The following SHLD1 variants were observed in gnomAD, a reference collection of about 807,000 sequenced individuals.
The protein encoded by SHLD1 is shieldin complex subunit 1.
SHLD1 carries 3 observed loss-of-function variants against 5.5 expected under a neutral mutation model. The observed-to-expected ratio is 0.54, with a 90% CI of 0.25 to 1.40. SHLD1 has a LOEUF of 1.40. SHLD1 is among the 40% of genes most tolerant of loss of function. The probability of loss-of-function intolerance (pLI) is 0.15; values close to 1 mark genes in which losing one functional copy is unlikely to be tolerated. For synonymous variants in SHLD1, 92 were observed against 94.3 expected (o/e 0.98, Z 0.14); for missense variants, 210 against 244.4 (o/e 0.86, Z 0.94).
chr20:5,852,669 C>T (rs1489985209), intron 2 of SHLD1, among the ~76,000 whole-genome samples: 3 of 152,168 alleles, frequency 2.0e-5, no homozygotes, highest in African/African-American at 7.2e-5. Flanking sequence ...AGGCTGGTCT[C>T]TAACTCCTGA....
chr20:5,769,187 G>A (rs1264827247), intron 1 of SHLD1, among the ~76,000 whole-genome samples: 4 of 152,208 alleles, frequency 2.6e-5, no homozygotes, highest in Admixed American at 6.5e-5. Context: ...AATTACAGGC[G>A]TGAGCCACTG....
intron 1 of SHLD1, among the ~76,000 whole-genome samples, chr20:5,755,575 T>A (rs1398399461): frequency 1.3e-5 from 2 of 152,040 alleles, no homozygotes; most frequent in South Asian, 4.1e-4. Context: ...CTTTTTTTTT[T>A]TGAGATGGAG....
chr20:5,786,794 C>T (rs1428373584), intron 2 of SHLD1, among the ~76,000 whole-genome samples: 2 of 152,140 alleles, frequency 1.3e-5, no homozygotes, highest in African/African-American at 2.4e-5. Context: ...CATATTTCTA[C>T]ACTTTGATTC....
intron 2 of SHLD1, among the ~76,000 whole-genome samples, chr20:5,794,872 G>C (rs1161947144): frequency 6.6e-6 from 1 of 152,160 alleles, no homozygotes; most frequent in Non-Finnish European, 1.5e-5. Context: ...TGAGAACACA[G>C]GATTCCTGTG....
intron 1 of SHLD1, among the ~76,000 whole-genome samples, chr20:5,766,963 G>A (rs115389511): frequency 0.015 from 2,302 of 152,086 alleles, 58 homozygotes; most frequent in African/African-American, 0.053. Context: ...TCTGACTGTC[G>A]TTTTAACAGC....
chr20:5,813,433 G>A (rs1249076662), intron 2 of SHLD1, among the ~76,000 whole-genome samples: 4 of 152,158 alleles, frequency 2.6e-5, no homozygotes, highest in African/African-American at 9.7e-5. Context: ...GAGGTGCAGT[G>A]AGCCGAGATT....
chr20:5,823,583 G>T (rs2087632993), intron 2 of SHLD1, among the ~76,000 whole-genome samples: 1 of 151,716 alleles, frequency 6.6e-6, no homozygotes, highest in Non-Finnish European at 1.5e-5. Flanking sequence ...TAGTAGCTGG[G>T]ATTACAGGCG....
rs777372428 is a variant in SHLD1, at chr20:5,863,067, T to C, written c.222T>C (p.Ala74=). ...LNIEQNNSWT[A]ENFWLDPAVK... ...TAGAACAAAATAACTCCTGGACCGC[T>C]GAGAACTTCTGGCTTGACCCTGCTG... Residue 74 remains alanine, a synonymous_variant, in exon 3 of 3, where the codon GCT becomes GCC. Coordinates refer to ENST00000303142, the MANE Select transcript of SHLD1 (RefSeq NM_152504.4). 1.2e-5 allele frequency: 20 copies of C among 1,613,708 alleles called. No individual in the cohort carries two copies. The South Asian group carries it at 2.2e-4, about 18-fold the overall frequency.
chr20:5,788,821 A>G (rs2087097359), intron 2 of SHLD1, among the ~76,000 whole-genome samples: 1 of 152,234 alleles, frequency 6.6e-6, no homozygotes, highest in South Asian at 2.1e-4. Context: ...GCTAGAATAC[A>G]CACATGAATA....
At chr20:5,760,696 A>G (rs1984410177) in intron 1 of SHLD1, among the ~76,000 whole-genome samples, 1 of 152,042 alleles carries the variant, frequency 6.6e-6, no homozygotes, top group Non-Finnish European at 1.5e-5. Flanking sequence ...CTGTCTAAAA[A>G]ATAAAAAAAA....
chr20:5,843,057 T>C (rs573731520), intron 2 of SHLD1, among the ~76,000 whole-genome samples: 1 of 152,210 alleles, frequency 6.6e-6, no homozygotes, highest in Non-Finnish European at 1.5e-5. Context: ...GATTTGTTTT[T>C]TCCCTGTGCA....
At chr20:5,801,354 G>T (rs6139836) in intron 2 of SHLD1, among the ~76,000 whole-genome samples, 35,739 of 152,112 alleles carry the variant, frequency 0.23, 4,326 homozygotes, top group Middle Eastern at 0.32. Flanking sequence ...GCGATTATAG[G>T]CATGAGCCAC....
chr20:5,860,746 G>C (rs905826315), intron 2 of SHLD1, among the ~76,000 whole-genome samples: 7 of 152,030 alleles, frequency 4.6e-5, no homozygotes, highest in African/African-American at 1.7e-4. Context: ...GAACAAGAAA[G>C]AGACCAGCAT....
At chr20:5,820,915 G>T (rs1053648101) in intron 2 of SHLD1, among the ~76,000 whole-genome samples, 50 of 152,280 alleles carry the variant, frequency 3.3e-4, no homozygotes, top group Non-Finnish European at 3.8e-4. Flanking sequence ...CTGTCTTAGA[G>T]CTACACAAAG....
At chr20:5,838,632 G>C (rs913972575) in intron 2 of SHLD1, among the ~76,000 whole-genome samples, 3 of 152,100 alleles carry the variant, frequency 2.0e-5, no homozygotes, top group Non-Finnish European at 4.4e-5. Flanking sequence ...ATGGTGGCAG[G>C]TGCCTGTAAT....
chr20:5,858,966 AG>A (rs1418612969), intron 2 of SHLD1, among the ~76,000 whole-genome samples: 1 of 152,230 alleles, frequency 6.6e-6, no homozygotes, highest in East Asian at 1.9e-4. Flanking sequence ...AAATTTCTAA[AG>A]AAATCCTATT....
intron 2 of SHLD1, among the ~76,000 whole-genome samples, chr20:5,850,112 C>CATTAATAAT (rs371790287): frequency 3.8e-5 from 5 of 130,246 alleles, no homozygotes; most frequent in African/African-American, 1.4e-4. Flanking sequence ...GACCCCGTCT[C>CATTAATAAT]AATAATAATA....
chr20:5,770,908 C>G (rs185389516), intron 1 of SHLD1, among the ~76,000 whole-genome samples: 1 of 152,306 alleles, frequency 6.6e-6, no homozygotes, highest in Admixed American at 6.5e-5. Flanking sequence ...GGTACATTAT[C>G]TATTATTAAT....
At chr20:5,754,482 T>C (rs1378546910) in intron 1 of SHLD1, among the ~76,000 whole-genome samples, 1 of 152,102 alleles carries the variant, frequency 6.6e-6, no homozygotes, top group Non-Finnish European at 1.5e-5. Context: ...TATAACAAGG[T>C]ATGTCTGACC....
Sources: gnomAD v4.1 joint callset for allele counts (sites outside exome capture counted in the v4.1 genomes callset) on GRCh38, gnomAD v4.1.1 for gene constraint, MANE v1.5 for transcripts, NCBI Gene and HGNC (gene_info 2026-07-23, HGNC 2026-07-21) for gene names.